Variants in DCDC2 observed in about 807,000 individuals in gnomAD.
DCDC2 encodes doublecortin domain containing 2, also known as doublecortin domain-containing protein 2.
In DCDC2, 40 loss-of-function variants were observed where a neutral mutation model predicts 50.2. The ratio of observed to expected loss-of-function variants is 0.80; its 90% CI spans 0.62 to 1.04. DCDC2 has a LOEUF of 1.04. DCDC2 is among the 50% of genes least tolerant of loss of function. DCDC2 has a pLI of 0.00. For missense variants in DCDC2, 570 were observed against 581.9 expected (o/e 0.98, Z 0.21); for synonymous variants, 234 against 210.6 (o/e 1.11, Z -0.96).
chr6:24,308,257 T>C (rs1759509825), intron 2 of DCDC2, among the ~76,000 whole-genome samples: 1 of 152,192 alleles, frequency 6.6e-6, no homozygotes, highest in South Asian at 2.1e-4. Context: ...TAGAGACAGA[T>C]TTCTAAATCT....
chr6:24,203,080 A>G (rs2113760095), intron 8 of DCDC2, among the ~76,000 whole-genome samples: 1 of 152,358 alleles, frequency 6.6e-6, no homozygotes, highest in Middle Eastern at 3.4e-3. Flanking sequence ...GTATAGATTC[A>G]ATGCTATCCC....
At chr6:24,314,668 A>C (rs1435450305) in intron 2 of DCDC2, among the ~76,000 whole-genome samples, 2 of 152,148 alleles carry the variant, frequency 1.3e-5, no homozygotes, top group African/African-American at 4.8e-5. Context: ...CATTGACTAG[A>C]TCAGCTAGGT....
chr6:24,377,651 T>C, the DCDC2 span, among the ~76,000 whole-genome samples: 26 of 152,296 alleles, frequency 1.7e-4, no homozygotes, highest in East Asian at 7.7e-4. Flanking sequence ...TTGTAAGCCT[T>C]AGTGTCCTTA....
At chr6:24,301,052 T>TA (rs11404583) in intron 4 of DCDC2, among the ~76,000 whole-genome samples, 106,654 of 147,372 alleles carry the variant, frequency 0.72, 39,077 homozygotes, top group South Asian at 0.79. Context: ...ATGACCCCTT[T>TA]AAAAAAAAAA....
chr6:24,359,250 A>T (rs1435406961), upstream of DCDC2, among the ~76,000 whole-genome samples: 10 of 73,890 alleles, frequency 1.4e-4, no homozygotes, highest in South Asian at 4.1e-4. Flanking sequence ...TTTATATATT[A>T]TATATAATAT....
intron 4 of DCDC2, among the ~76,000 whole-genome samples, chr6:24,298,180 G>C (rs894796236): frequency 6.6e-6 from 1 of 152,190 alleles, no homozygotes; most frequent in African/African-American, 2.4e-5. Flanking sequence ...GTTCACAATA[G>C]GCTTCATGCT....
In DCDC2 at chr6:24,197,816, T is replaced by C. The variant is rs117859078; in HGVS notation, c.1023+7186A>G. 7.9e-5 allele frequency among the ~76,000 whole-genome samples: 12 copies of C among 152,330 alleles called. No homozygotes were observed. The East Asian group carries it at 1.4e-3, about 17-fold the overall frequency. On this transcript the variant is annotated intron_variant, in intron 8 of 9. Transcript: ENST00000378454. ...TATCATATAGTAGTCAGAGGACAAG[T>C]GGTAGTTCCTAGTGACTTCTCCCCT...
intron 7 of DCDC2, among the ~76,000 whole-genome samples, chr6:24,220,915 C>CGAGCGAGCGAGA (rs1554146369): frequency 3.0e-5 from 4 of 131,668 alleles, no homozygotes; most frequent in African/African-American, 1.0e-4. Context: ...AGAGAGTGAG[C>CGAGCGAGCGAGA]GAGCGAGCGA....
chr6:24,231,388 A>T (rs1762333552), intron 7 of DCDC2, among the ~76,000 whole-genome samples: 1 of 152,126 alleles, frequency 6.6e-6, no homozygotes, highest in African/African-American at 2.4e-5. Context: ...GTTGCAGGAG[A>T]CCCATGAAGA....
chr6:24,275,548 A>G (rs1763332928), intron 7 of DCDC2, among the ~76,000 whole-genome samples: 1 of 152,200 alleles, frequency 6.6e-6, no homozygotes, highest in Admixed American at 6.5e-5. Flanking sequence ...GAAGGAAAAA[A>G]AAATTCATTC....
chr6:24,306,543 T>TAGAGAGAC (rs1209633765), intron 2 of DCDC2, among the ~76,000 whole-genome samples: 2 of 115,662 alleles, frequency 1.7e-5, no homozygotes, highest in African/African-American at 6.8e-5. Context: ...GATAGATAGA[T>TAGAGAGAC]AGACAGACAG....
At position 24,302,636 on chromosome 6, in the gene DCDC2, A is replaced by T. The variant is rs183963937; in HGVS notation, c.349-592T>A. Among the ~76,000 whole-genome samples, 126 of 151,544 alleles carry T rather than the reference A, an allele frequency of 8.3e-4. 1 individual carries two copies. The highest frequency in any genetic ancestry group is 3.4e-3 in the Middle Eastern group (1 of 294). On this transcript the variant is annotated intron_variant, in intron 2 of 9. Transcript: ENST00000378454. ...CAGCCCTTGCCACTGGGTAGATGTG[A>T]TCACCTTTGCCTCTCTTTTTGCTTC...
Position 24,288,750 on chromosome 6 carries a change from G to A in DCDC2, c.759+102C>T, listed in dbSNP as rs140939087. ...CATAATTGGTTATACACCACGAAGC[G>A]GCTAAGTTTTATCTCTTGGAACTTA... On this transcript the variant is annotated intron_variant, in intron 6 of 9. Coordinates refer to ENST00000378454, the MANE Select transcript of DCDC2 (RefSeq NM_016356.5). 828 of 1,026,898 alleles carry A rather than the reference G, an allele frequency of 8.1e-4. 1 individual carries two copies. Among genetic ancestry groups the A allele is most frequent in the African/African-American group, 7.0e-3 (440 of 62,584 alleles). 63.6% of individuals were successfully genotyped at this position (1,026,898 alleles called of 1,614,324 possible).
intron 7 of DCDC2, among the ~76,000 whole-genome samples, chr6:24,239,791 A>C (rs552967879): frequency 2.0e-5 from 3 of 152,346 alleles, no homozygotes; most frequent in Admixed American, 2.0e-4. Context: ...TGGATAATGC[A>C]AAAAGAATTT....
intron 7 of DCDC2, among the ~76,000 whole-genome samples, chr6:24,212,227 C>T (rs1406110849): frequency 6.6e-6 from 1 of 152,166 alleles, no homozygotes; most frequent in African/African-American, 2.4e-5. Flanking sequence ...AAACTGCCTT[C>T]CACAAAACTG....
the DCDC2 span, among the ~76,000 whole-genome samples, chr6:24,366,847 A>T: frequency 8.3e-6 from 1 of 120,422 alleles, no homozygotes; most frequent in African/African-American, 2.6e-5. Flanking sequence ...TAAAATCTAA[A>T]TCTTTTTTTT....
intron 2 of DCDC2, among the ~76,000 whole-genome samples, chr6:24,331,916 G>T (rs933121771): frequency 6.6e-6 from 1 of 152,164 alleles, no homozygotes; most frequent in Non-Finnish European, 1.5e-5. Flanking sequence ...GAATAAACAT[G>T]TTGCACAACT....
intron 8 of DCDC2, among the ~76,000 whole-genome samples, chr6:24,204,203 C>T (rs757071080): frequency 7.9e-5 from 12 of 152,244 alleles, no homozygotes; most frequent in South Asian, 6.2e-4. Context: ...TGTACTGCAG[C>T]GCTATTCACA....
intron 2 of DCDC2, among the ~76,000 whole-genome samples, chr6:24,334,177 G>T (rs1760016071): frequency 6.6e-6 from 1 of 152,110 alleles, no homozygotes; most frequent in Non-Finnish European, 1.5e-5. Flanking sequence ...ACTAACATTG[G>T]ACAAAGTATC....
Sources: gnomAD v4.1 joint callset for allele counts (sites outside exome capture counted in the v4.1 genomes callset) on GRCh38, gnomAD v4.1.1 for gene constraint, MANE v1.5 for transcripts, NCBI Gene and HGNC (gene_info 2026-07-23, HGNC 2026-07-21) for gene names.